RNF169: variants seen among roughly 807,000 people sequenced by gnomAD.
RNF169 encodes the protein ring finger protein 169, also known as E3 ubiquitin-protein ligase RNF169.
A neutral mutation model predicts 53.9 loss-of-function variants in RNF169; 24 were observed. That is an observed-to-expected ratio of 0.45 (90% confidence interval 0.32 to 0.63). The LOEUF (loss-of-function observed/expected upper bound fraction) is 0.63, where lower values mean the gene tolerates loss of function less well. Among genes scored for constraint, RNF169 ranks in the 20% least tolerant of loss-of-function variants. The probability of loss-of-function intolerance (pLI) is 0.04; values close to 1 mark genes in which losing one functional copy is unlikely to be tolerated. For missense variants in RNF169, 883 were observed against 906.2 expected, an observed-to-expected ratio of 0.97 and a Z score of 0.33; for synonymous variants, 396 against 363.5, an observed-to-expected ratio of 1.09 and a Z score of -1.02.
At chr11:74,815,997 T>G (rs2035937326) in intron 3 of RNF169, among the ~76,000 whole-genome samples, 1 of 152,236 alleles carries the variant, frequency 6.6e-6, no homozygotes, top group South Asian at 2.1e-4. Context: ...TCATTGAATA[T>G]TTTGTACAAC....
intron 1 of RNF169, among the ~76,000 whole-genome samples, chr11:74,756,292 G>A (rs1484899465): frequency 6.6e-6 from 1 of 152,198 alleles, no homozygotes; most frequent in African/African-American, 2.4e-5. Context: ...AGATATAATT[G>A]TAGAAGGCAG....
intron 1 of RNF169, among the ~76,000 whole-genome samples, chr11:74,758,848 A>G (rs1009411290): frequency 1.3e-5 from 2 of 151,204 alleles, no homozygotes; most frequent in Non-Finnish European, 2.9e-5. Flanking sequence ...CTGTGAAGAA[A>G]GTCATTGGTA....
chr11:74,782,141 T>C (rs1364891854), intron 1 of RNF169, among the ~76,000 whole-genome samples: 1 of 152,212 alleles, frequency 6.6e-6, no homozygotes, highest in African/African-American at 2.4e-5. Flanking sequence ...TAGCTTCCTA[T>C]GAAGCGGCTG....
Position 74,765,460 on chromosome 11 carries a change from A to G in RNF169, c.502+16078A>G, listed in dbSNP as rs1473129881. Among the ~76,000 whole-genome samples, 3 of 152,122 alleles carry G rather than the reference A, an allele frequency of 2.0e-5. 1 individual carries two copies. The highest frequency in any genetic ancestry group is 4.1e-4 in the South Asian group (2 of 4,830). ...GAAAATATAACCAATTCCCCCTCCA[A>G]TCCATGTTTGGAAATTGAAAAAAAC... On this transcript the variant is annotated intron_variant, in intron 1 of 5. Coordinates refer to ENST00000299563, the MANE Select transcript of RNF169 (RefSeq NM_001098638.2).
intron 1 of RNF169, among the ~76,000 whole-genome samples, chr11:74,757,144 C>T (rs1461192624): frequency 9.8e-6 from 1 of 101,904 alleles, no homozygotes; most frequent in Non-Finnish European, 1.9e-5. Flanking sequence ...CTATCCCTCC[C>T]CCCTCCCCCC....
At chr11:74,798,817 A>G (rs2035687017) in intron 2 of RNF169, among the ~76,000 whole-genome samples, 1 of 152,144 alleles carries the variant, frequency 6.6e-6, no homozygotes. Flanking sequence ...CCGATGCTTA[A>G]GGAAAATGGA....
At chr11:74,785,440 CAAAAA>C (rs892203997) in intron 1 of RNF169, among the ~76,000 whole-genome samples, 1 of 145,992 alleles carries the variant, frequency 6.8e-6, no homozygotes, top group African/African-American at 2.5e-5. Context: ...TGCAAGCCCA[CAAAAA>C]AAAAGTGAGG....
At chr11:74,824,296 T>C (rs1426794982) in intron 4 of RNF169, among the ~76,000 whole-genome samples, 3 of 152,236 alleles carry the variant, frequency 2.0e-5, no homozygotes, top group South Asian at 2.1e-4. Context: ...CTAATTTGAA[T>C]ATAGGTCAAT....
chr11:74,821,022 C>T (rs1007813477), intron 4 of RNF169, among the ~76,000 whole-genome samples: 4 of 152,208 alleles, frequency 2.6e-5, no homozygotes, highest in African/African-American at 7.2e-5. Context: ...CACCCAAGAA[C>T]CTCTCAACTC....
chr11:74,771,858 G>C (rs2035265454), intron 1 of RNF169, among the ~76,000 whole-genome samples: 1 of 152,178 alleles, frequency 6.6e-6, no homozygotes, highest in South Asian at 2.1e-4. Flanking sequence ...TTCGAGACCA[G>C]CTTGGACAAC....
rs187971550 is a variant in RNF169, at chr11:74,786,469, C to G, written c.503-3157C>G. ...GCAGAGATGAGGTCTGTCTGTGTTG[C>G]TCAGGCTGGTCTCGAACATTTGACC... On this transcript the variant is annotated intron_variant, in intron 1 of 5. Coordinates refer to ENST00000299563, the MANE Select transcript of RNF169 (RefSeq NM_001098638.2). Among the ~76,000 whole-genome samples, 85 of 151,976 alleles carry G rather than the reference C, an allele frequency of 5.6e-4. 2 individuals are homozygous for G. In the East Asian group the frequency reaches 0.015, roughly 27 times the overall value.
chr11:74,803,340 C>T (rs1359491918), intron 2 of RNF169, among the ~76,000 whole-genome samples: 1 of 152,140 alleles, frequency 6.6e-6, no homozygotes, highest in East Asian at 1.9e-4. Context: ...CTGCCTCGGC[C>T]TCCCAAAGTG....
chr11:74,789,656 G>A lies in RNF169; in HGVS notation c.533G>A (p.Ser178Asn). The change falls in exon 2 of 6, where the codon AGC (serine) becomes AAC (asparagine). Residue 178 changes from serine (S) to asparagine (N), a missense_variant. Ser to Asn is a conservative substitution (Grantham distance 46). This residue lies in a region of RNF169 where 313 missense variants were observed against 279.9 expected (regional missense o/e 1.12). Transcript: ENST00000299563. ...ATATTCAGAGCACCAATCAAATTAA[G>A]CAAGCCTGGGGAACTTCGTGAGGAA... ...DFIFRAPIKLSKPGELREEYE... is the reference protein window; with the variant it reads ...DFIFRAPIKLNKPGELREEYE... 3 of 1,609,150 alleles carry A rather than the reference G, an allele frequency of 1.9e-6. No individual in the cohort carries two copies. The highest frequency in any genetic ancestry group is 2.6e-6 in the Non-Finnish European group (3 of 1,176,274).
intron 2 of RNF169, among the ~76,000 whole-genome samples, chr11:74,789,919 G>A (rs952889394): frequency 3.9e-5 from 6 of 152,188 alleles, no homozygotes; most frequent in East Asian, 1.9e-4. Context: ...AGATGAAGAC[G>A]TAGTTCACAG....
chr11:74,817,667 G>A lies in RNF169; in HGVS notation c.795G>A (p.Ser265=), dbSNP rs369526629. ...GCCAGATGACACAGACACATCGCTC[G>A]GCATTTGTTTCCAAGAACAACTCCT... The part of the protein sequence containing the change: ...SRGQMTQTHR[S]AFVSKNNSYS... Residue 265 remains serine (S), a synonymous_variant, in exon 4 of 6, where the codon TCG becomes TCA. Coordinates refer to ENST00000299563, the MANE Select transcript of RNF169 (RefSeq NM_001098638.2). 104 of 1,613,906 alleles carry A rather than the reference G, an allele frequency of 6.4e-5. No individual in the cohort carries two copies. The African/African-American group carries it at 1.2e-3, about 19-fold the overall frequency.
intron 1 of RNF169, among the ~76,000 whole-genome samples, chr11:74,785,947 T>C (rs1315217452): frequency 2.7e-5 from 4 of 149,762 alleles, no homozygotes; most frequent in South Asian, 2.1e-4. Flanking sequence ...TTTTCTTTTT[T>C]TTTTTTTTTT....
chr11:74,789,663 T>G lies in RNF169; in HGVS notation c.540T>G (p.Pro180=), dbSNP rs779592187. ...GAGCACCAATCAAATTAAGCAAGCC[T>G]GGGGAACTTCGTGAGGAATATGAAA... ...IFRAPIKLSK[P]GELREEYESL... Residue 180 remains proline (P), a synonymous_variant, in exon 2 of 6, where the codon CCT becomes CCG. Coordinates refer to ENST00000299563, the MANE Select transcript of RNF169 (RefSeq NM_001098638.2). 1.3e-5 allele frequency: 21 copies of G among 1,609,614 alleles called. No homozygotes were observed. The South Asian group carries it at 2.2e-4, about 17-fold the overall frequency.
intron 2 of RNF169, chr11:74,807,888 G>A (rs1384832797): frequency 1.3e-5 from 2 of 152,222 alleles, no homozygotes; most frequent in East Asian, 3.9e-4. Context: ...ACAAAAACTT[G>A]TACAGAACTC....
At position 74,835,668 on chromosome 11, in the gene RNF169, A is replaced by T; in HGVS notation, c.1065A>T (p.Ser355=). 6.2e-7 allele frequency: 1 copy of T among 1,614,072 alleles called. No individual in the cohort carries two copies. Among genetic ancestry groups the T allele is most frequent in the Non-Finnish European group, 8.5e-7 (1 of 1,180,014 alleles). ...IEKRLPFSSL[S]SLASLHKPER... ...AGCGTCTACCCTTCAGCTCCCTTTC[A>T]TCCTTGGCTTCCCTGCATAAGCCAG... Residue 355 remains serine, a synonymous_variant, in exon 6 of 6, where the codon TCA becomes TCT. Transcript: ENST00000299563.
Sources: allele counts gnomAD v4.1 joint callset (sites outside exome capture counted in the v4.1 genomes callset), GRCh38; gene constraint gnomAD v4.1.1; regional missense constraint gnomAD v4.1.1; transcripts MANE v1.5; gene names NCBI Gene and HGNC (gene_info 2026-07-23, HGNC 2026-07-21).